Variants in SHISA9 observed in about 807,000 individuals in gnomAD.
SHISA9 encodes the protein shisa family member 9, also known as protein shisa-9.
SHISA9 carries 13 observed loss-of-function variants against 38.0 expected under a neutral mutation model. That is an observed-to-expected ratio of 0.34 (90% CI 0.22 to 0.54). The LOEUF is 0.54. Ranked by LOEUF, SHISA9 falls within the 20% of genes least tolerant of loss-of-function variation. The pLI is 0.91. For missense variants in SHISA9, 538 were observed against 575.8 expected (o/e 0.93, Z 0.67); for synonymous variants, 275 against 242.0 (o/e 1.14, Z -1.27).
At chr16:13,110,270 A>G (rs1406713305) in intron 2 of SHISA9, among the ~76,000 whole-genome samples, 1 of 152,086 alleles carries the variant, frequency 6.6e-6, no homozygotes, top group African/African-American at 2.4e-5. Context: ...CAAGCCTCCC[A>G]TTCCTGCCAC....
At chr16:13,105,662 T>C (rs2073919231) in intron 2 of SHISA9, among the ~76,000 whole-genome samples, 1 of 152,188 alleles carries the variant, frequency 6.6e-6, no homozygotes, top group Non-Finnish European at 1.5e-5. Flanking sequence ...CTGAACTTTC[T>C]AAGCAGCCAG....
the SHISA9 span, among the ~76,000 whole-genome samples, chr16:13,412,298 G>C: frequency 1.3e-5 from 2 of 152,154 alleles, no homozygotes; most frequent in Non-Finnish European, 2.9e-5. Context: ...GAGTTACATG[G>C]GCTGGGAGTA....
the SHISA9 span, among the ~76,000 whole-genome samples, chr16:13,490,231 A>G: frequency 2.0e-5 from 3 of 152,164 alleles, no homozygotes; most frequent in African/African-American, 7.2e-5. Context: ...GCACAACACA[A>G]TATGCTGACT....
intron 2 of SHISA9, among the ~76,000 whole-genome samples, chr16:13,178,860 G>A (rs1360426703): frequency 2.2e-5 from 3 of 139,370 alleles, no homozygotes; most frequent in Admixed American, 1.5e-4. Context: ...TGTTGTTGTT[G>A]TTGTTTGTTT....
chr16:13,149,933 GA>G (rs368916084), intron 2 of SHISA9, among the ~76,000 whole-genome samples: 4,239 of 74,536 alleles, frequency 0.057, 225 homozygotes, highest in African/African-American at 0.17. Flanking sequence ...TCAAAAAAAA[GA>G]AAAAAAAAAA....
the SHISA9 span, among the ~76,000 whole-genome samples, chr16:13,366,754 G>A: frequency 3.9e-5 from 6 of 152,216 alleles, no homozygotes; most frequent in South Asian, 1.0e-3. Context: ...TTGGGAGGCC[G>A]AGGTGGGCGA....
the SHISA9 span, among the ~76,000 whole-genome samples, chr16:13,260,795 A>C: frequency 6.6e-6 from 1 of 151,866 alleles, no homozygotes; most frequent in Non-Finnish European, 1.5e-5. Flanking sequence ...GCCCCCCTTT[A>C]CTGGTACCAA....
At chr16:13,377,009 T>G in the SHISA9 span, among the ~76,000 whole-genome samples, 5 of 152,122 alleles carry the variant, frequency 3.3e-5, no homozygotes, top group Non-Finnish European at 7.4e-5. Flanking sequence ...AAAGACAGAT[T>G]CCCTAAAGGA....
At chr16:13,446,119 G>A in the SHISA9 span, among the ~76,000 whole-genome samples, 45 of 151,960 alleles carry the variant, frequency 3.0e-4, no homozygotes, top group East Asian at 7.8e-3. Flanking sequence ...GTTTTTTTGT[G>A]TGTTTTTAGT....
intron 2 of SHISA9, among the ~76,000 whole-genome samples, chr16:13,023,575 G>T (rs1051209801): frequency 2.6e-5 from 4 of 152,154 alleles, no homozygotes; most frequent in African/African-American, 9.7e-5. Context: ...TCTAGTTCTA[G>T]ATCCCTGAGG....
At chr16:13,432,010 G>C in the SHISA9 span, among the ~76,000 whole-genome samples, 1 of 152,350 alleles carries the variant, frequency 6.6e-6, no homozygotes, top group African/African-American at 2.4e-5. Flanking sequence ...GCAGTGAGCT[G>C]AGATCATGCC....
the SHISA9 span, among the ~76,000 whole-genome samples, chr16:13,301,952 A>T: frequency 6.6e-6 from 1 of 152,154 alleles, no homozygotes; most frequent in Non-Finnish European, 1.5e-5. Context: ...CAAGGTGGGG[A>T]CTGAGATAAT....
chr16:13,525,597 C>T, the SHISA9 span, among the ~76,000 whole-genome samples: 1 of 152,114 alleles, frequency 6.6e-6, no homozygotes, highest in African/African-American at 2.4e-5. Context: ...ACCACATCCA[C>T]CCACCACTTG....
At chr16:13,011,740 G>A (rs1014469046) in intron 2 of SHISA9, among the ~76,000 whole-genome samples, 2 of 152,018 alleles carry the variant, frequency 1.3e-5, no homozygotes, top group Non-Finnish European at 2.9e-5. Context: ...CCAGGATGGT[G>A]TCGATCCCTT....
Position 12,924,531 on chromosome 16 carries a change from G to T in SHISA9, c.691+7716G>T, listed in dbSNP as rs147305107. 9.8e-3 allele frequency among the ~76,000 whole-genome samples: 1,487 copies of T among 152,192 alleles called. 7 individuals carry two copies. The highest frequency in any genetic ancestry group is 0.048 in the Middle Eastern group (14 of 292). On this transcript the variant is annotated intron_variant, in intron 2 of 4. Transcript: ENST00000558583. ...TGAAACTTAGTTCTTTTTCATAGTTGGGCAGACTAGTTGTTCTATCTGAAG... is the reference window on the plus strand; with the variant it reads ...TGAAACTTAGTTCTTTTTCATAGTTTGGCAGACTAGTTGTTCTATCTGAAG...
At chr16:13,195,048 T>C (rs2050923770) in intron 2 of SHISA9, among the ~76,000 whole-genome samples, 1 of 152,206 alleles carries the variant, frequency 6.6e-6, no homozygotes, top group Non-Finnish European at 1.5e-5. Context: ...TGTAGATATG[T>C]GTGTATATAC....
intron 2 of SHISA9, among the ~76,000 whole-genome samples, chr16:13,108,887 A>T (rs1300962473): frequency 6.6e-6 from 1 of 152,144 alleles, no homozygotes; most frequent in East Asian, 1.9e-4. Context: ...TTTCTCCTAA[A>T]GTGTAGTGTC....
At chr16:13,185,311 C>T (rs1227245268) in intron 2 of SHISA9, among the ~76,000 whole-genome samples, 1 of 152,142 alleles carries the variant, frequency 6.6e-6, no homozygotes, top group Non-Finnish European at 1.5e-5. Flanking sequence ...AAGTGATCTT[C>T]CTGCCTCAGT....
chr16:12,959,850 A>G lies in SHISA9; in HGVS notation c.691+43035A>G, dbSNP rs1313143536. On this transcript the variant is annotated intron_variant, in intron 2 of 4. Transcript: ENST00000558583. ...TTTCAGCCAACAGTTTCCGCACTCT[A>G]CATATGAGTTTGGGGGAGGAACATA... Among the ~76,000 whole-genome samples, 4 of 152,190 alleles carry G rather than the reference A, an allele frequency of 2.6e-5. No individual in the cohort carries two copies. The East Asian group carries it at 7.7e-4, about 29-fold the overall frequency.
Sources: allele counts gnomAD v4.1 joint callset (sites outside exome capture counted in the v4.1 genomes callset), GRCh38; gene constraint gnomAD v4.1.1; transcripts MANE v1.5; gene names NCBI Gene and HGNC (gene_info 2026-07-23, HGNC 2026-07-21).